Variants in PARD3B observed in about 807,000 individuals in gnomAD.
The protein encoded by PARD3B is par-3 family cell polarity regulator beta.
PARD3B carries 103 observed loss-of-function variants against 130.2 expected under a neutral mutation model. The observed-to-expected ratio is 0.79, with a 90% CI of 0.67 to 0.93. The LOEUF (loss-of-function observed/expected upper bound fraction) is 0.93. Among genes scored for constraint, PARD3B ranks in the 40% least tolerant of loss-of-function variants. The pLI, the probability that PARD3B is intolerant of heterozygous loss-of-function variation, is 0.00. For synonymous variants in PARD3B, 583 were observed against 553.2 expected, an observed-to-expected ratio of 1.05 and a Z score of -0.76; for missense variants, 1,609 against 1,499.2, an observed-to-expected ratio of 1.07 and a Z score of -1.21.
Position 205,301,424 on chromosome 2 carries a change from G to A in PARD3B, c.2393-40G>A. Reference sequence around the variant, plus strand: ...GTTTCTCTGTATACTAACTGAGTGTGCCCCTGACCATGGGTATTGATTATT... The same window carrying A: ...GTTTCTCTGTATACTAACTGAGTGTACCCCTGACCATGGGTATTGATTATT... On this transcript the variant is annotated intron_variant, in intron 17 of 22. Transcript: ENST00000406610. This position sits in a 1 kb window ranked among gnomAD's most constrained non-coding sequence, Gnocchi z 5.2. 6.3e-7 allele frequency: 1 copy of A among 1,578,666 alleles called. No individual in the cohort carries two copies. Among genetic ancestry groups the A allele is most frequent in the Non-Finnish European group, 8.6e-7 (1 of 1,167,232 alleles).
chr2:205,088,577 A>C (rs1420964369), intron 4 of PARD3B, among the ~76,000 whole-genome samples: 3 of 152,152 alleles, frequency 2.0e-5, no homozygotes, highest in African/African-American at 7.2e-5. Context: ...AGTAAAAATC[A>C]ACCCTCAACT....
chr2:205,191,319 A>C (rs1158335124), intron 14 of PARD3B, among the ~76,000 whole-genome samples: 1 of 152,162 alleles, frequency 6.6e-6, no homozygotes, highest in East Asian at 1.9e-4. Flanking sequence ...AATTTTAAAG[A>C]GTCATAAATT....
intron 18 of PARD3B, among the ~76,000 whole-genome samples, chr2:205,337,195 C>T (rs184213390): frequency 6.6e-6 from 1 of 152,300 alleles, no homozygotes; most frequent in African/African-American, 2.4e-5. Context: ...CTTTCAGCAA[C>T]ACAGTTTGGT....
intron 2 of PARD3B, among the ~76,000 whole-genome samples, chr2:204,889,755 C>T (rs1291634274): frequency 6.6e-6 from 1 of 152,214 alleles, no homozygotes; most frequent in Non-Finnish European, 1.5e-5. Context: ...TTCACAGTGT[C>T]AAACTACTTA....
Position 205,158,822 on chromosome 2 carries a change from GC to G in PARD3B, c.1536del (p.Leu513Ter). Reference protein sequence around the residue: ...NDSGSAGLGVSLKGNKSRETG... With the variant: ...NDSGSAGLGVXLKGNKSRETG... Reference sequence around the variant, plus strand: ...TCAGGTTCTGCTGGCCTCGGGGTGAGCTTAAAAGGGAACAAATCCAGAGAAA... The same window carrying G: ...TCAGGTTCTGCTGGCCTCGGGGTGAGTTAAAAGGGAACAAATCCAGAGAAA... On this transcript the variant is annotated frameshift_variant, in exon 11 of 23. Transcript: ENST00000406610. LOFTEE classifies it high-confidence loss of function. This position sits in a 1 kb window ranked among gnomAD's most constrained non-coding sequence, Gnocchi z 5.4. 6.2e-7 allele frequency: 1 copy of G among 1,614,198 alleles called. No individual in the cohort carries two copies. The highest frequency in any genetic ancestry group is 8.5e-7 in the Non-Finnish European group (1 of 1,180,022).
intron 2 of PARD3B, among the ~76,000 whole-genome samples, chr2:204,823,823 C>G (rs1222100616): frequency 6.6e-6 from 1 of 151,746 alleles, no homozygotes; most frequent in Non-Finnish European, 1.5e-5. Flanking sequence ...GCCTATAATC[C>G]CAGCTACTTG....
chr2:204,872,192 A>G (rs2125649624), intron 2 of PARD3B, among the ~76,000 whole-genome samples: 1 of 152,218 alleles, frequency 6.6e-6, no homozygotes, highest in South Asian at 2.1e-4. Context: ...AAATGATGGG[A>G]AAAGCATATG....
At chr2:205,598,701 G>T (rs188143186) in intron 22 of PARD3B, among the ~76,000 whole-genome samples, 2 of 152,002 alleles carry the variant, frequency 1.3e-5, no homozygotes, top group Non-Finnish European at 2.9e-5. Context: ...ACCTAAGATC[G>T]GCCACGTGCT....
At chr2:205,131,349 A>G (rs1038278040) in intron 10 of PARD3B, among the ~76,000 whole-genome samples, 1 of 152,220 alleles carries the variant, frequency 6.6e-6, no homozygotes, top group Non-Finnish European at 1.5e-5. Context: ...AACACAGTTC[A>G]TGTCTTATGA....
intron 2 of PARD3B, among the ~76,000 whole-genome samples, chr2:204,706,200 T>C (rs2038142960): frequency 6.6e-6 from 1 of 151,854 alleles, no homozygotes. Flanking sequence ...ACGCTGTCTC[T>C]ACTAAAAATA....
At chr2:204,869,307 G>A (rs1413321019) in intron 2 of PARD3B, among the ~76,000 whole-genome samples, 3 of 152,094 alleles carry the variant, frequency 2.0e-5, no homozygotes, top group Non-Finnish European at 2.9e-5. Context: ...TGGGGCCCAG[G>A]ACTGTTCTTT....
chr2:205,043,648 A>G (rs1169232928), intron 3 of PARD3B, among the ~76,000 whole-genome samples: 1 of 152,162 alleles, frequency 6.6e-6, no homozygotes. Context: ...GAAACTGGAT[A>G]GAGTTGTCCC....
chr2:204,882,479 A>T lies in PARD3B; in HGVS notation c.223-82673A>T, dbSNP rs560372431. On this transcript the variant is annotated intron_variant, in intron 2 of 22. Transcript: ENST00000406610. The stretch of plus-strand genomic sequence containing the variant: ...TGATTTCTTTTATGGCAAGTGTCTG[A>T]CTGCAAAAGCTTTATTTGTATATTG... 1.4e-4 allele frequency among the ~76,000 whole-genome samples: 22 copies of T among 152,274 alleles called. No homozygotes were observed. In the East Asian group the frequency reaches 3.5e-3, roughly 24 times the overall value.
intron 1 of PARD3B, among the ~76,000 whole-genome samples, chr2:204,648,574 ATAT>A (rs1164414772): frequency 7.8e-6 from 1 of 128,372 alleles, no homozygotes; most frequent in African/African-American, 3.0e-5. Flanking sequence ...ATATAAATAT[ATAT>A]TATATATTAT....
intron 2 of PARD3B, among the ~76,000 whole-genome samples, chr2:204,960,795 A>G (rs1372371610): frequency 6.6e-6 from 1 of 152,186 alleles, no homozygotes; most frequent in Non-Finnish European, 1.5e-5. Context: ...ACAGGCAATA[A>G]AATAAGAAGA....
chr2:205,122,583 T>C lies in PARD3B; in HGVS notation c.1165+634T>C, dbSNP rs1447319508. ...ACACATACATAAGCATTCATGTGCT[T>C]CTGTGCTTTTGTTCATTTTGTAACC... is the stretch of plus-strand genomic sequence containing the variant. On this transcript the variant is annotated intron_variant, in intron 8 of 22. Transcript: ENST00000406610. The surrounding 1 kb of genome is among the most constrained non-coding windows in gnomAD (Gnocchi z 4.3). Among the ~76,000 whole-genome samples, 1 of 152,240 alleles carries C rather than the reference T, an allele frequency of 6.6e-6. No individual in the cohort carries two copies.
At chr2:205,129,402 C>A (rs964393312) in intron 10 of PARD3B, among the ~76,000 whole-genome samples, 2 of 152,196 alleles carry the variant, frequency 1.3e-5, no homozygotes, top group Admixed American at 6.5e-5. Context: ...ATACACCGGC[C>A]TGTTTGAAAG....
intron 10 of PARD3B, among the ~76,000 whole-genome samples, chr2:205,147,158 G>A (rs989861581): frequency 1.4e-4 from 21 of 152,090 alleles, no homozygotes; most frequent in Non-Finnish European, 2.9e-5. Flanking sequence ...TATAAACAAA[G>A]CAAGTTGTAG....
In PARD3B at chr2:205,538,415, A is replaced by T. The variant is rs2051961368; in HGVS notation, c.3181-14909A>T. ...GAAAGGCTTGGATGCCATGCTCAAG[A>T]ATTAGACTTCTCTAGGCATTGTTTC... On this transcript the variant is annotated intron_variant, in intron 21 of 22. Transcript: ENST00000406610. Among the ~76,000 whole-genome samples the T allele has an allele frequency of 2.0e-5, 3 of 152,270 alleles. No individual in the cohort carries two copies. The South Asian group carries it at 6.2e-4, about 32-fold the overall frequency.
Sources: gnomAD v4.1 joint callset for allele counts (sites outside exome capture counted in the v4.1 genomes callset) on GRCh38, gnomAD v4.1.1 for gene constraint, Gnocchi (gnomAD v3.1) non-coding constraint, MANE v1.5 for transcripts, NCBI Gene and HGNC (gene_info 2026-07-23, HGNC 2026-07-21) for gene names.